ADGRE1: variants seen among roughly 807,000 people sequenced by gnomAD.
ADGRE1 encodes the protein EGF-like module receptor 1.
Under a neutral mutation model 102.7 loss-of-function variants are expected in ADGRE1, and 82 were observed. The ratio of observed to expected loss-of-function variants is 0.80; its 90% CI spans 0.67 to 0.96. The LOEUF (loss-of-function observed/expected upper bound fraction) is 0.96. ADGRE1 is among the 40% of genes least tolerant of loss of function. The probability of loss-of-function intolerance (pLI) is 0.00; values close to 1 mark genes in which losing one functional copy is unlikely to be tolerated. For synonymous variants in ADGRE1, 398 were observed against 399.6 expected (o/e 1.00, Z 0.05); for missense variants, 1,032 against 1,085.3 (o/e 0.95, Z 0.69).
intron 1 of ADGRE1, among the ~76,000 whole-genome samples, chr19:6,889,314 T>C (rs1047722198): frequency 6.6e-6 from 1 of 151,830 alleles, no homozygotes; most frequent in Non-Finnish European, 1.5e-5. Context: ...AAGATGATGA[T>C]GGTGATGATG....
At chr19:6,893,368 T>C (rs1433467302) in intron 2 of ADGRE1, among the ~76,000 whole-genome samples, 1 of 152,114 alleles carries the variant, frequency 6.6e-6, no homozygotes, top group Non-Finnish European at 1.5e-5. Context: ...TGGCTAATTT[T>C]TTTTTATTTT....
At chr19:6,920,371 C>T (rs2354118) in intron 13 of ADGRE1, among the ~76,000 whole-genome samples, 32,995 of 151,556 alleles carry the variant, frequency 0.22, 3,627 homozygotes, top group Middle Eastern at 0.24. Flanking sequence ...AGGCGCCCGC[C>T]ACCATGACCG....
intron 9 of ADGRE1, 25 bp from the exon 10 acceptor site, chr19:6,908,663 TC>T (rs1363920762): frequency 8.5e-7 from 1 of 1,182,932 alleles, no homozygotes; most frequent in Admixed American, 2.3e-5. Flanking sequence ...TCACAAATGC[TC>T]TTTTTTTTTT....
chr19:6,904,275 A>G, intron 8 of ADGRE1, 93 bp downstream of exon 8: 4 of 1,472,328 alleles, frequency 2.7e-6, no homozygotes, highest in Non-Finnish European at 3.7e-6. Context: ...TCTTCCTCTT[A>G]GTGTTGCCTC....
chr19:6,910,119 A>C (rs1408794242), intron 10 of ADGRE1, among the ~76,000 whole-genome samples: 1 of 152,130 alleles, frequency 6.6e-6, no homozygotes, highest in African/African-American at 2.4e-5. Flanking sequence ...TATGAAAATA[A>C]GAATAACACT....
At chr19:6,934,856 C>T in intron 17 of ADGRE1, 131 bp from the exon 18 acceptor site, 1 of 451,946 alleles carries the variant, frequency 2.2e-6, no homozygotes, top group Non-Finnish European at 3.8e-6. Context: ...ATCCGCCCGC[C>T]TCAGCCTCCC....
chr19:6,898,575 C>G, intron 5 of ADGRE1: 1 of 1,495,424 alleles, frequency 6.7e-7, no homozygotes, highest in East Asian at 2.3e-5. Context: ...CCCTCTTTCA[C>G]TGCTTTGCAA....
chr19:6,922,657 CAA>C (rs1366073281), intron 14 of ADGRE1, among the ~76,000 whole-genome samples: 14 of 140,240 alleles, frequency 1.0e-4, no homozygotes, highest in Admixed American at 1.4e-4. Flanking sequence ...CACACACACA[CAA>C]ACAAAAAGAA....
At chr19:6,887,785 C>T in intron 1 of ADGRE1, 146 bp downstream of exon 1, 1 of 851,278 alleles carries the variant, frequency 1.2e-6, no homozygotes, top group Non-Finnish European at 1.8e-6. Flanking sequence ...GAACCTTTGA[C>T]AAAATTCCAT....
rs1369967523 is a variant in ADGRE1 at position 6,924,797 on chromosome 19, C to T, written c.1911C>T (p.Leu637=). Residue 637 remains leucine, a synonymous_variant, in exon 15 of 21, where the codon CTC becomes CTT. Coordinates refer to ENST00000312053, the MANE Select transcript of ADGRE1 (RefSeq NM_001974.5). ...CCATCCGAAATCACAACACCTACCT[C>T]CACCTGCACCTCTGCGTGTGTCTCC... ...CRSIRNHNTY[L]HLHLCVCLLL... 4 of 1,614,052 alleles carry T rather than the reference C, an allele frequency of 2.5e-6. No individual in the cohort carries two copies. In the Admixed American group the frequency reaches 6.7e-5, roughly 27 times the overall value.
At chr19:6,919,858 C>A in intron 13 of ADGRE1, 111 bp downstream of exon 13, 1 of 1,059,378 alleles carries the variant, frequency 9.4e-7, no homozygotes, top group Non-Finnish European at 1.4e-6. Context: ...CGGTAAGCTT[C>A]CACAATTTCC....
chr19:6,887,733 A>T (rs1973203332), intron 1 of ADGRE1, 94 bp downstream of exon 1: 2 of 1,369,324 alleles, frequency 1.5e-6, no homozygotes, highest in East Asian at 4.8e-5. Context: ...CAGCCAAGAG[A>T]TCATAAGTCC....
In ADGRE1 at chr19:6,904,177, G is replaced by T. The variant is rs377651303; in HGVS notation, c.944G>T (p.Cys315Phe). ...TCCCAGAAAGATGGCAACTTCAGCT[G>T]CCAAAGTAATAATCTCTTTGTATGT... is the stretch of plus-strand genomic sequence containing the variant. Reference protein sequence around the residue: ...EGSQKDGNFSCQRVLFKCKED... With the variant: ...EGSQKDGNFSFQRVLFKCKED... The change falls in exon 8 of 21, where the codon TGC (cysteine) becomes TTC (phenylalanine). Residue 315 changes from cysteine to phenylalanine, a missense_variant. Cys to Phe is a radical substitution (Grantham distance 205). Coordinates refer to ENST00000312053, the MANE Select transcript of ADGRE1 (RefSeq NM_001974.5). 1.2e-6 allele frequency: 2 copies of T among 1,613,658 alleles called. No individual in the cohort carries two copies. Among genetic ancestry groups the T allele is most frequent in the African/African-American group, 2.7e-5 (2 of 74,914 alleles).
intron 13 of ADGRE1, among the ~76,000 whole-genome samples, chr19:6,920,462 G>T (rs534588968): frequency 4.8e-5 from 7 of 147,364 alleles, no homozygotes; most frequent in South Asian, 2.1e-4. Flanking sequence ...CTCGTGATCC[G>T]CCCGCTTTGG....
At position 6,901,071 on chromosome 19, in the gene ADGRE1, T is replaced by A. The variant is rs117200733; in HGVS notation, c.515-804T>A. Among the ~76,000 whole-genome samples the A allele has an allele frequency of 2.1e-3, 316 of 152,334 alleles. 1 individual carries two copies. The highest frequency in any genetic ancestry group is 3.5e-3 in the Non-Finnish European group (236 of 68,030). ...AATGGATCACCCCACTCTGTCCATCTTCCAGCCCAGGTGAAAAGGGAGAAG... is the reference window on the plus strand; with the variant it reads ...AATGGATCACCCCACTCTGTCCATCATCCAGCCCAGGTGAAAAGGGAGAAG... On this transcript the variant is annotated intron_variant, in intron 5 of 20. Coordinates refer to ENST00000312053, the MANE Select transcript of ADGRE1 (RefSeq NM_001974.5).
intron 13 of ADGRE1, among the ~76,000 whole-genome samples, chr19:6,920,543 G>A: frequency 5.5e-5 from 1 of 18,038 alleles, no homozygotes; most frequent in African/African-American, 8.9e-5. Flanking sequence ...TTTTTTTTGA[G>A]ATGGAGTTTC....
rs61733003 is a variant in ADGRE1, at chr19:6,924,747, A to G, written c.1861A>G (p.Ile621Val). Residue 621 changes from isoleucine (I) to valine (V), a missense_variant, in exon 15 of 21, where the codon ATC becomes GTC. Ile to Val is a conservative substitution (Grantham distance 29). Coordinates refer to ENST00000312053, the MANE Select transcript of ADGRE1 (RefSeq NM_001974.5). ...CTCCTTGGTGTGCCTCGTCTTGGCC[A>G]TCGCCACCTTTCTGCTGTGTCGCTC... Reference protein sequence around the residue: ...IISLVCLVLAIATFLLCRSIR... With the variant: ...IISLVCLVLAVATFLLCRSIR... The G allele has an allele frequency of 3.5e-4, 561 of 1,614,134 alleles. 1 individual carries two copies. In the African/African-American group the frequency reaches 6.7e-3, roughly 19 times the overall value.
chr19:6,902,209 C>A (rs910860999), intron 6 of ADGRE1, among the ~76,000 whole-genome samples, 188 bp downstream of exon 6: 3 of 152,122 alleles, frequency 2.0e-5, no homozygotes, highest in African/African-American at 7.2e-5. Flanking sequence ...ATTCTAGGCA[C>A]TGGGGATAGA....
In ADGRE1 at chr19:6,938,354, A is replaced by T. The variant is rs1018563081; in HGVS notation, c.2655+706A>T. On this transcript the variant is annotated intron_variant, in intron 20 of 20. Transcript: ENST00000312053. Reference sequence around the variant, plus strand: ...CTCCATCTCAAAAAAAAATTAAATAAATATAGATATCTTCACATGTATATT... The same window carrying T: ...CTCCATCTCAAAAAAAAATTAAATATATATAGATATCTTCACATGTATATT... 7.2e-5 allele frequency among the ~76,000 whole-genome samples: 11 copies of T among 152,274 alleles called. No homozygotes were observed. In the South Asian group the frequency reaches 2.3e-3, roughly 32 times the overall value.
Sources: allele counts gnomAD v4.1 joint callset (sites outside exome capture counted in the v4.1 genomes callset), GRCh38; gene constraint gnomAD v4.1.1; transcripts MANE v1.5; gene names NCBI Gene and HGNC (gene_info 2026-07-23, HGNC 2026-07-21).